MIGA2: variants seen among roughly 807,000 people sequenced by gnomAD.
MIGA2 encodes the protein family with sequence similarity 73, member B.
MIGA2 carries 36 observed loss-of-function variants against 69.9 expected under a neutral mutation model. The ratio of observed to expected loss-of-function variants is 0.52; its 90% confidence interval spans 0.39 to 0.68. The LOEUF is 0.68. MIGA2 is among the 30% of genes least tolerant of loss of function. MIGA2 has a pLI of 0.00. For missense variants in MIGA2, 660 were observed against 787.7 expected, an observed-to-expected ratio of 0.84 and a Z score of 1.94; for synonymous variants, 333 against 349.2, an observed-to-expected ratio of 0.95 and a Z score of 0.52.
rs991483973 is a variant in MIGA2 at position 129,060,915 on chromosome 9, A to G, written c.894+265A>G. On this transcript the variant is annotated intron_variant, in intron 8 of 15. Transcript: ENST00000684074. This position sits in a 1 kb window ranked among gnomAD's most constrained non-coding sequence, Gnocchi z 4.8. Reference sequence around the variant, plus strand: ...TTCCCTTCTCCAGACCGCTGTGCCCATTGTTTGGCCTCAGTCTCCTGCCAT... The same window carrying G: ...TTCCCTTCTCCAGACCGCTGTGCCCGTTGTTTGGCCTCAGTCTCCTGCCAT... Among the ~76,000 whole-genome samples, 6 of 152,132 alleles carry G rather than the reference A, an allele frequency of 3.9e-5. No homozygotes were observed. The highest frequency in any genetic ancestry group is 8.8e-5 in the Non-Finnish European group (6 of 68,014).
In MIGA2 at chr9:129,049,394, A is replaced by T; in HGVS notation, c.434A>T (p.Asn145Ile). Residue 145 changes from asparagine (N) to isoleucine (I), a missense_variant, in exon 5 of 16, where the codon AAC (asparagine) becomes ATC (isoleucine). By Grantham distance (149) the Asn-to-Ile change is moderately radical. Transcript: ENST00000684074. ...ATTGGCGCCCAGATGATGGCAGTGA[A>T]CTCATCCAGCCCCACAGCCGCGTGC... is the stretch of plus-strand genomic sequence containing the variant. ...SHSVASMMAV[N>I]SSSPTAACSG... 6.2e-7 allele frequency: 1 copy of T among 1,613,256 alleles called. No homozygotes were observed. Among genetic ancestry groups the T allele is most frequent in the Non-Finnish European group, 8.5e-7 (1 of 1,179,642 alleles).
rs1198602162 is a variant in MIGA2 at position 129,059,346 on chromosome 9, C to T, written c.793+75C>T. On this transcript the variant is annotated intron_variant, in intron 7 of 15. Coordinates refer to ENST00000684074, the MANE Select transcript of MIGA2 (RefSeq NM_001329990.2). This position sits in a 1 kb window ranked among gnomAD's most constrained non-coding sequence, Gnocchi z 5.6. Reference sequence around the variant, plus strand: ...GGAGGTGAGGAGAAGTTGCGAGAACCGGGTCGTGGTTCTCTCAGTGCGTCC... The same window carrying T: ...GGAGGTGAGGAGAAGTTGCGAGAACTGGGTCGTGGTTCTCTCAGTGCGTCC... 4 of 1,218,750 alleles carry T rather than the reference C, an allele frequency of 3.3e-6. No homozygotes were observed. Among genetic ancestry groups the T allele is most frequent in the Non-Finnish European group, 4.7e-6 (4 of 855,896 alleles). 75.5% of individuals were successfully genotyped at this position (1,218,750 alleles called of 1,614,324 possible). A position where few individuals can be genotyped will look rare whatever the true frequency, so the allele number is the denominator to read the frequency against.
At chr9:129,048,633 C>A in intron 4 of MIGA2, 94 bp downstream of exon 4, 1 of 906,362 alleles carries the variant, frequency 1.1e-6, no homozygotes, top group Non-Finnish European at 1.8e-6. Flanking sequence ...TGGTAGAGTC[C>A]ATTCATTCAT....
rs748102725 is a variant in MIGA2 at position 129,069,498 on chromosome 9, C to T, written c.1459-351C>T. The T allele has an allele frequency of 1.2e-5, 6 of 503,588 alleles. No individual in the cohort carries two copies. Among genetic ancestry groups the T allele is most frequent in the East Asian group, 3.6e-5 (1 of 27,582 alleles). 31.2% of individuals were successfully genotyped at this position (503,588 alleles called of 1,614,324 possible). On this transcript the variant is annotated intron_variant, in intron 14 of 15. Coordinates refer to ENST00000684074, the MANE Select transcript of MIGA2 (RefSeq NM_001329990.2). The surrounding 1 kb of genome is among the most constrained non-coding windows in gnomAD (Gnocchi z 4.9). ...GCCCCAGTCAGGCCCCTGTAATCTC[C>T]GCTCCCAGGCAGCGACTGGCTGTGC...
At chr9:129,065,628 G>A (rs1846299944) in intron 11 of MIGA2, among the ~76,000 whole-genome samples, 1 of 152,178 alleles carries the variant, frequency 6.6e-6, no homozygotes, top group Non-Finnish European at 1.5e-5. Flanking sequence ...GGGATTACGG[G>A]TGTGAGCCAC....
rs773875478 is a variant in MIGA2, at chr9:129,069,964, A to G, written c.1574A>G (p.Lys525Arg). The stretch of plus-strand genomic sequence containing the variant: ...CTTGCTGAAGTCTGTGCTTTCTTCA[A>G]GGTAAACAGAGAGCAGTTCTCGTTC... The part of the protein sequence containing the change: ...PQLAEVCAFF[K>R]HQIVQYLRDM... Residue 525 changes from lysine to arginine, a missense_variant and splice_region_variant, in exon 15 of 16, where the codon AAG becomes AGG. By Grantham distance (26) the Lys-to-Arg change is conservative. Around this residue, in one of 3 missense-constraint regions of MIGA2, gnomAD observed 220 missense variants for 301.7 expected, o/e 0.73. Transcript: ENST00000684074. This position sits in a 1 kb window ranked among gnomAD's most constrained non-coding sequence, Gnocchi z 4.9. 5.6e-6 allele frequency: 9 copies of G among 1,596,200 alleles called. No homozygotes were observed. The highest frequency in any genetic ancestry group is 6.0e-6 in the Non-Finnish European group (7 of 1,169,900).
At chr9:129,045,946 C>T (rs866744523) in intron 3 of MIGA2, among the ~76,000 whole-genome samples, 6 of 151,696 alleles carry the variant, frequency 4.0e-5, no homozygotes, top group Admixed American at 6.6e-5. Context: ...CTCCGCCTCC[C>T]GGGTTCAAGC....
intron 3 of MIGA2, among the ~76,000 whole-genome samples, chr9:129,043,334 T>C (rs565258762): frequency 3.0e-4 from 45 of 152,042 alleles, no homozygotes; most frequent in African/African-American, 1.0e-3. Flanking sequence ...AGGTAGTGAG[T>C]TCACTCAGTC....
chr9:129,044,423 C>T (rs1032891925), intron 3 of MIGA2, among the ~76,000 whole-genome samples: 1 of 152,088 alleles, frequency 6.6e-6, no homozygotes, highest in African/African-American at 2.4e-5. Flanking sequence ...GTAGCCACTG[C>T]TCTATTTTGT....
Position 129,048,431 on chromosome 9 carries a change from C to T in MIGA2, c.312C>T (p.Tyr104=), listed in dbSNP as rs1034881221. 6.2e-7 allele frequency: 1 copy of T among 1,613,842 alleles called. No homozygotes were observed. Among genetic ancestry groups the T allele is most frequent in the Non-Finnish European group, 8.5e-7 (1 of 1,179,808 alleles). The change falls in exon 4 of 16, where the codon TAC becomes TAT. Residue 104 remains tyrosine, a synonymous_variant. Coordinates refer to ENST00000684074, the MANE Select transcript of MIGA2 (RefSeq NM_001329990.2). ...ARKVPSVKKG[Y]SSRRVQSPSS... Reference sequence around the variant, plus strand: ...CTGCCCTTCTGCTCCTCACAGGATACTCCAGCCGGAGAGTCCAGAGCCCCA... The same window carrying T: ...CTGCCCTTCTGCTCCTCACAGGATATTCCAGCCGGAGAGTCCAGAGCCCCA...
At chr9:129,044,447 G>C (rs1845101244) in intron 3 of MIGA2, among the ~76,000 whole-genome samples, 1 of 152,136 alleles carries the variant, frequency 6.6e-6, no homozygotes, top group African/African-American at 2.4e-5. Context: ...TGCTGCTGTG[G>C]TTGTAAAAAC....
rs1845930599 is a variant in MIGA2 at position 129,059,005 on chromosome 9, T to C, written c.676-149T>C. ...TGCCAGAAGTGGCTGGTGGCTCCTCTATCGAGCAGTGAAGTTTTGGAGTTT... is the reference window on the plus strand; with the variant it reads ...TGCCAGAAGTGGCTGGTGGCTCCTCCATCGAGCAGTGAAGTTTTGGAGTTT... On this transcript the variant is annotated intron_variant, in intron 6 of 15. Coordinates refer to ENST00000684074, the MANE Select transcript of MIGA2 (RefSeq NM_001329990.2). This position sits in a 1 kb window ranked among gnomAD's most constrained non-coding sequence, Gnocchi z 5.6. The C allele has an allele frequency of 4.7e-6, 3 of 644,226 alleles. No homozygotes were observed. The highest frequency in any genetic ancestry group is 8.2e-6 in the Non-Finnish European group (3 of 365,658). The allele number at this position is 644,226 out of a possible 1,614,324, so 39.9% of individuals were successfully genotyped here. A position where few individuals can be genotyped will look rare whatever the true frequency, so the allele number is the denominator to read the frequency against.
At chr9:129,045,782 AT>A (rs781159951) in intron 3 of MIGA2, among the ~76,000 whole-genome samples, 1 of 152,024 alleles carries the variant, frequency 6.6e-6, no homozygotes, top group Admixed American at 6.6e-5. Flanking sequence ...GTGAAAATAA[AT>A]TTTAATTGTG....
chr9:129,056,386 G>A (rs1414307861), intron 6 of MIGA2, among the ~76,000 whole-genome samples: 1 of 152,032 alleles, frequency 6.6e-6, no homozygotes, highest in African/African-American at 2.4e-5. Flanking sequence ...GTCTGTCAAG[G>A]GAAATAAGAG....
In MIGA2 at chr9:129,059,244, C is replaced by G. The variant is rs756805535; in HGVS notation, c.766C>G (p.Pro256Ala). Residue 256 changes from proline (P) to alanine (A), a missense_variant, in exon 7 of 16, where the codon CCC becomes GCC. Physicochemically the swap from Pro to Ala is conservative, Grantham distance 27. Around this residue, in one of 3 missense-constraint regions of MIGA2, gnomAD observed 386 missense variants for 402.0 expected, o/e 0.96. Coordinates refer to ENST00000684074, the MANE Select transcript of MIGA2 (RefSeq NM_001329990.2). This position sits in a 1 kb window ranked among gnomAD's most constrained non-coding sequence, Gnocchi z 5.6. Reference protein sequence around the residue: ...HLQEEFGSTFPADSMLLDLER... With the variant: ...HLQEEFGSTFAADSMLLDLER... Reference sequence around the variant, plus strand: ...GCAGGAGGAGTTCGGCTCCACCTTCCCCGCAGACAGCATGCTGCTAGACCT... The same window carrying G: ...GCAGGAGGAGTTCGGCTCCACCTTCGCCGCAGACAGCATGCTGCTAGACCT... The G allele has an allele frequency of 1.3e-6, 2 of 1,591,512 alleles. No individual in the cohort carries two copies. Among genetic ancestry groups the G allele is most frequent in the Non-Finnish European group, 1.7e-6 (2 of 1,168,042 alleles).
chr9:129,049,737 A>G (rs1364086694), intron 5 of MIGA2, 90 bp from the exon 6 acceptor site: 1 of 1,596,238 alleles, frequency 6.3e-7, no homozygotes, highest in Non-Finnish European at 8.5e-7. Flanking sequence ...TTGCCCTTCA[A>G]GGCCCTCCTG....
At chr9:129,056,520 C>CT (rs777582517) in intron 6 of MIGA2, among the ~76,000 whole-genome samples, 3,088 of 142,068 alleles carry the variant, frequency 0.022, 104 homozygotes, top group Admixed American at 0.096. Flanking sequence ...GTAATAATGA[C>CT]TTTTTTTTTT....
At position 129,068,290 on chromosome 9, in the gene MIGA2, C is replaced by T. The variant is rs773303403; in HGVS notation, c.1362C>T (p.Ala454=). 2.2e-5 allele frequency: 35 copies of T among 1,611,018 alleles called. No individual in the cohort carries two copies. The highest frequency in any genetic ancestry group is 6.7e-5 in the African/African-American group (5 of 74,910). ...DLENPPASVL[A]VLRNRWLSDS... is the part of the protein sequence containing the mutation. The stretch of plus-strand genomic sequence containing the variant: ...AGAACCCTCCGGCCTCGGTGCTCGC[C>T]GTCCTGCGGAACCGCTGGCTGTCAG... The change falls in exon 13 of 16, where the codon GCC becomes GCT. Residue 454 remains alanine, a synonymous_variant. Transcript: ENST00000684074. This position sits in a 1 kb window ranked among gnomAD's most constrained non-coding sequence, Gnocchi z 4.1.
intron 6 of MIGA2, among the ~76,000 whole-genome samples, chr9:129,056,776 C>T (rs571837655): frequency 0.018 from 2,729 of 152,208 alleles, 101 homozygotes; most frequent in Admixed American, 0.091. Flanking sequence ...GCCTCGCCCC[C>T]CAAAGTGCTG....
Sources: gnomAD v4.1 joint callset for allele counts (sites outside exome capture counted in the v4.1 genomes callset) on GRCh38, gnomAD v4.1.1 for gene constraint, gnomAD v4.1.1 regional missense constraint, Gnocchi (gnomAD v3.1) non-coding constraint, MANE v1.5 for transcripts, NCBI Gene and HGNC (gene_info 2026-07-23, HGNC 2026-07-21) for gene names.